Variants in DNM3 observed in about 807,000 individuals in gnomAD.
DNM3 encodes dynamin-3.
In DNM3, 47 loss-of-function variants were observed where a neutral mutation model predicts 101.6. That is an observed-to-expected ratio of 0.46 (90% CI 0.37 to 0.59). The LOEUF is 0.59. Ranked by LOEUF, DNM3 falls within the 20% of genes least tolerant of loss-of-function variation. The pLI is 0.00. For missense variants in DNM3, 849 were observed against 1,085.7 expected (o/e 0.78, Z 3.06); for synonymous variants, 385 against 387.9 (o/e 0.99, Z 0.09).
intron 1 of DNM3, among the ~76,000 whole-genome samples, chr1:171,864,873 A>T (rs2034555532): frequency 6.6e-6 from 1 of 152,054 alleles, no homozygotes; most frequent in African/African-American, 2.4e-5. Flanking sequence ...AAAAAAAACT[A>T]ATTGTATAGC....
intron 10 of DNM3, among the ~76,000 whole-genome samples, chr1:172,058,691 A>T (rs1212865066): frequency 6.6e-6 from 1 of 151,952 alleles, no homozygotes; most frequent in Non-Finnish European, 1.5e-5. Flanking sequence ...GATGCATTTA[A>T]AGCAGTGTGT....
intron 17 of DNM3, among the ~76,000 whole-genome samples, chr1:172,348,662 C>G (rs2067058050): frequency 6.6e-6 from 1 of 151,982 alleles, no homozygotes; most frequent in Non-Finnish European, 1.5e-5. Context: ...TTAGTGTTAC[C>G]TAACATATGA....
intron 4 of DNM3, among the ~76,000 whole-genome samples, chr1:172,018,981 CTCCT>C (rs2047637738): frequency 6.8e-6 from 1 of 146,916 alleles, no homozygotes; most frequent in African/African-American, 2.5e-5. Context: ...CCCTCCCTCC[CTCCT>C]TCCTTCCCTC....
rs1465114124 is a variant in DNM3 at position 172,062,516 on chromosome 1, C to G, written c.1336-6303C>G. 2.0e-5 allele frequency among the ~76,000 whole-genome samples: 3 copies of G among 152,072 alleles called. No individual in the cohort carries two copies. In the East Asian group the frequency reaches 5.8e-4, roughly 29 times the overall value. The stretch of plus-strand genomic sequence containing the variant: ...TGTTTAAAAGTTTTTCCATCTTATA[C>G]CTCACCACTTCTCCTGCTATTTGTT... On this transcript the variant is annotated intron_variant, in intron 10 of 20. Transcript: ENST00000627582.
intron 14 of DNM3, among the ~76,000 whole-genome samples, chr1:172,147,741 G>C (rs2057967385): frequency 1.3e-5 from 2 of 152,022 alleles, no homozygotes; most frequent in South Asian, 4.1e-4. Context: ...TAGTGCACAA[G>C]TTCAAACAAT....
At chr1:171,950,589 G>A (rs894238584) in intron 2 of DNM3, among the ~76,000 whole-genome samples, 56 of 152,186 alleles carry the variant, frequency 3.7e-4, no homozygotes, top group African/African-American at 1.3e-3. Context: ...TTGTAAGTCA[G>A]GGGCATCTGT....
chr1:172,387,154 G>A lies in DNM3; in HGVS notation c.2080G>A (p.Glu694Lys), dbSNP rs779456750. The change falls in exon 19 of 21, where the codon GAG (glutamate) becomes AAG (lysine). Residue 694 changes from glutamate to lysine, a missense_variant. By Grantham distance (56) the Glu-to-Lys change is moderately conservative. This residue lies in a region of DNM3 where 256 missense variants were observed against 311.7 expected (regional missense o/e 0.82). Coordinates refer to ENST00000627582, the MANE Select transcript of DNM3 (RefSeq NM_015569.5). Reference protein sequence around the residue: ...INNVKDFINSELLAQLYSSED... With the variant: ...INNVKDFINSKLLAQLYSSED... The stretch of plus-strand genomic sequence containing the variant: ...ACAGGTTAAAGATTTCATAAATTCC[G>A]AGCTCCTAGCACAGTTGTATTCTTC... 8 of 1,613,434 alleles carry A rather than the reference G, an allele frequency of 5.0e-6. No individual in the cohort carries two copies. Among genetic ancestry groups the A allele is most frequent in the East Asian group, 2.2e-5 (1 of 44,886 alleles).
intron 4 of DNM3, among the ~76,000 whole-genome samples, chr1:172,026,207 A>G (rs770912277): frequency 2.6e-5 from 4 of 152,150 alleles, no homozygotes; most frequent in Non-Finnish European, 5.9e-5. Flanking sequence ...AAAGGATATC[A>G]GAGATTGAAG....
At chr1:172,003,900 G>T (rs1434535719) in intron 4 of DNM3, among the ~76,000 whole-genome samples, 2 of 151,930 alleles carry the variant, frequency 1.3e-5, no homozygotes, top group African/African-American at 4.8e-5. Flanking sequence ...GAAGGAGAAA[G>T]TGGGCAGCAC....
intron 14 of DNM3, among the ~76,000 whole-genome samples, chr1:172,243,860 A>G (rs1467836817): frequency 6.6e-6 from 1 of 152,026 alleles, no homozygotes; most frequent in Non-Finnish European, 1.5e-5. Context: ...CTATAGTTAT[A>G]ACTTCTTTTT....
chr1:172,133,449 G>T (rs895148144), intron 14 of DNM3: 41 of 985,162 alleles, frequency 4.2e-5, no homozygotes, highest in Non-Finnish European at 4.8e-5. Context: ...GTATGGTATG[G>T]AGGGTAGTTG....
intron 2 of DNM3, among the ~76,000 whole-genome samples, chr1:171,979,722 T>C (rs764687593): frequency 2.6e-5 from 4 of 152,178 alleles, no homozygotes; most frequent in Non-Finnish European, 5.9e-5. Flanking sequence ...GGCTAAGCCT[T>C]ATCCAGGCTT....
intron 14 of DNM3, among the ~76,000 whole-genome samples, chr1:172,143,223 TAGAAA>T (rs2057683839): frequency 6.6e-6 from 1 of 152,160 alleles, no homozygotes; most frequent in Admixed American, 6.5e-5. Context: ...ATGTATAACT[TAGAAA>T]AGAATTTGTT....
chr1:172,078,445 CTT>C (rs1163612701), intron 11 of DNM3, among the ~76,000 whole-genome samples: 1 of 144,308 alleles, frequency 6.9e-6, no homozygotes, highest in Admixed American at 7.0e-5. Flanking sequence ...TGCAACCCTG[CTT>C]TTTTTTTTTT....
At chr1:172,120,836 G>A (rs1007457836) in intron 13 of DNM3, among the ~76,000 whole-genome samples, 1 of 152,172 alleles carries the variant, frequency 6.6e-6, no homozygotes, top group African/African-American at 2.4e-5. Context: ...GCTCCATGGA[G>A]GTTGGGGACT....
chr1:172,411,248 A>T lies in DNM3; in HGVS notation c.*3407A>T, dbSNP rs766963315. ...CAATAGTTCATTTCTCATAACATAT[A>T]TGAGGTATACAAAATTTTCTAACTC... On this transcript the variant is annotated 3_prime_UTR_variant, in exon 21 of 21. Transcript: ENST00000627582. The T allele has an allele frequency of 2.1e-4, 204 of 985,104 alleles. No individual in the cohort carries two copies. The highest frequency in any genetic ancestry group is 1.8e-3 in the South Asian group (39 of 21,294). The allele number at this position is 985,104 out of a possible 1,614,324, so 61.0% of individuals were successfully genotyped here.
intron 2 of DNM3, among the ~76,000 whole-genome samples, chr1:171,974,377 TC>T (rs762128217): frequency 1.1e-4 from 16 of 152,188 alleles, no homozygotes; most frequent in Admixed American, 2.0e-4. Context: ...ATTTTTCCAC[TC>T]CCATAATTTT....
At chr1:172,110,396 A>G (rs1374681584) in intron 13 of DNM3, among the ~76,000 whole-genome samples, 2 of 152,186 alleles carry the variant, frequency 1.3e-5, no homozygotes. Context: ...CAATTTGACT[A>G]TATGCTCAGT....
intron 16 of DNM3, among the ~76,000 whole-genome samples, chr1:172,317,083 C>T (rs1268119861): frequency 6.6e-6 from 1 of 151,900 alleles, no homozygotes; most frequent in African/African-American, 2.4e-5. Flanking sequence ...GATTAAGAAA[C>T]TCACTCAAAA....
Sources: gnomAD v4.1 joint callset for allele counts (sites outside exome capture counted in the v4.1 genomes callset) on GRCh38, gnomAD v4.1.1 for gene constraint, gnomAD v4.1.1 regional missense constraint, MANE v1.5 for transcripts, NCBI Gene and HGNC (gene_info 2026-07-23, HGNC 2026-07-21) for gene names.